BICD1: variants seen among roughly 807,000 people sequenced by gnomAD.
The protein encoded by BICD1 is BICD cargo adaptor 1.
A neutral mutation model predicts 92.5 loss-of-function variants in BICD1; 35 were observed. That is an observed-to-expected ratio of 0.38 (90% CI 0.29 to 0.50). BICD1 has a LOEUF of 0.50. Among genes scored for constraint, BICD1 ranks in the 20% least tolerant of loss-of-function variants. The probability of loss-of-function intolerance (pLI) is 0.93; values close to 1 mark genes in which losing one functional copy is unlikely to be tolerated. For synonymous variants in BICD1, 429 were observed against 465.1 expected (o/e 0.92, Z 1.00); for missense variants, 950 against 1,189.8 (o/e 0.80, Z 2.97).
chr12:32,246,837 T>C (rs1342178152), intron 2 of BICD1, among the ~76,000 whole-genome samples: 1 of 152,094 alleles, frequency 6.6e-6, no homozygotes, highest in African/African-American at 2.4e-5. Flanking sequence ...GTCAAGTGTG[T>C]GAGATGGACA....
chr12:32,140,413 T>TA (rs1401025690), intron 1 of BICD1, among the ~76,000 whole-genome samples: 4 of 152,252 alleles, frequency 2.6e-5, no homozygotes, highest in Admixed American at 1.3e-4. Flanking sequence ...AGAAATTTTA[T>TA]AAAAAATGTA....
intron 1 of BICD1, among the ~76,000 whole-genome samples, chr12:32,119,522 C>T (rs1031486946): frequency 4.6e-5 from 7 of 152,196 alleles, no homozygotes; most frequent in South Asian, 2.1e-4. Flanking sequence ...AAGAACCCCT[C>T]TTCTATATTT....
chr12:32,141,837 T>C (rs916843588), intron 1 of BICD1, among the ~76,000 whole-genome samples: 3 of 152,212 alleles, frequency 2.0e-5, no homozygotes, highest in South Asian at 2.1e-4. Context: ...CTAGCCTTTT[T>C]ATTCGCCGTT....
chr12:32,304,872 T>TA (rs145928454), intron 3 of BICD1, among the ~76,000 whole-genome samples: 3 of 151,222 alleles, frequency 2.0e-5, no homozygotes, highest in Admixed American at 6.6e-5. Flanking sequence ...AAATAAAAAA[T>TA]AAAAAAAATA....
intron 8 of BICD1, among the ~76,000 whole-genome samples, chr12:32,346,222 G>A: frequency 6.6e-6 from 1 of 151,376 alleles, no homozygotes; most frequent in South Asian, 2.1e-4. Flanking sequence ...TATCCATAAT[G>A]TGATCATTTC....
At chr12:32,168,891 G>A (rs944855665) in intron 1 of BICD1, among the ~76,000 whole-genome samples, 3 of 152,154 alleles carry the variant, frequency 2.0e-5, no homozygotes, top group Admixed American at 6.5e-5. Context: ...GAACCCGGGA[G>A]GCGGAGGTTG....
intron 9 of BICD1, among the ~76,000 whole-genome samples, chr12:32,374,050 C>T (rs1158834173): frequency 6.8e-6 from 1 of 146,344 alleles, no homozygotes; most frequent in Non-Finnish European, 1.5e-5. Flanking sequence ...TCTGTCTCTA[C>T]TAAAAATACA....
In BICD1 at chr12:32,294,040, T is replaced by G; in HGVS notation, c.473T>G (p.Ile158Ser). The change falls in exon 3 of 10, where the codon ATC becomes AGC. Residue 158 changes from isoleucine (I) to serine (S), a missense_variant. Around this residue, in one of 5 missense-constraint regions of BICD1, gnomAD observed 202 missense variants for 205.3 expected, o/e 0.98. Coordinates refer to ENST00000652176, the MANE Select transcript of BICD1 (RefSeq NM_001714.4). ...ELQRIRMKDE[I>S]REYKFREARL... The stretch of plus-strand genomic sequence containing the variant: ...CAGAGAATACGGATGAAGGATGAAA[T>G]CCGAGAATATAAGTTCCGGGAGGCA... 1 of 1,612,940 alleles carries G rather than the reference T, an allele frequency of 6.2e-7. No homozygotes were observed. Among genetic ancestry groups the G allele is most frequent in the South Asian group, 1.1e-5 (1 of 90,658 alleles).
Position 32,107,557 on chromosome 12 carries a change from T to C in BICD1, c.213+13T>C. The C allele has an allele frequency of 6.4e-7, 1 of 1,566,288 alleles. No individual in the cohort carries two copies. The highest frequency in any genetic ancestry group is 8.6e-7 in the Non-Finnish European group (1 of 1,156,156). On this transcript the variant is annotated intron_variant, in intron 1 of 9. Transcript: ENST00000652176. Reference sequence around the variant, plus strand: ...GCAGCTCAAAGAGGTGAGTTGCCTGTCACCTCTCCCTTTCCTGGCCCTCAC... The same window carrying C: ...GCAGCTCAAAGAGGTGAGTTGCCTGCCACCTCTCCCTTTCCTGGCCCTCAC...
At position 32,381,815 on chromosome 12, in the gene BICD1, T is replaced by G. The variant is rs1940189260; in HGVS notation, c.*4188T>G. The G allele has an allele frequency of 6.6e-6, 1 of 152,130 alleles. No homozygotes were observed. The highest frequency in any genetic ancestry group is 1.5e-5 in the Non-Finnish European group (1 of 67,976). 9.4% of individuals were successfully genotyped at this position (152,130 alleles called of 1,614,324 possible). The stretch of plus-strand genomic sequence containing the variant: ...GATAAAGTTCACAATTTTAAAAAGG[T>G]TGCCCTCCAGTTTTTTTGTTTGTTT... On this transcript the variant is annotated 3_prime_UTR_variant, in exon 10 of 10. Transcript: ENST00000652176.
At chr12:32,342,315 C>T (rs549749882) in intron 8 of BICD1, among the ~76,000 whole-genome samples, 10 of 147,614 alleles carry the variant, frequency 6.8e-5, no homozygotes, top group South Asian at 2.2e-4. Context: ...AGTGGAGCGG[C>T]GCAACCTTGG....
chr12:32,252,288 G>A (rs1296765563), intron 2 of BICD1, among the ~76,000 whole-genome samples: 1 of 147,544 alleles, frequency 6.8e-6, no homozygotes, highest in East Asian at 1.9e-4. Flanking sequence ...CATGTTTGGA[G>A]GTTTTCGATG....
rs750543466 is a variant in BICD1 at position 32,294,053 on chromosome 12, G to A, written c.486G>A (p.Lys162=). 6 of 1,612,914 alleles carry A rather than the reference G, an allele frequency of 3.7e-6. No individual in the cohort carries two copies. Among genetic ancestry groups the A allele is most frequent in the Non-Finnish European group, 5.1e-6 (6 of 1,179,722 alleles). The stretch of plus-strand genomic sequence containing the variant: ...TGAAGGATGAAATCCGAGAATATAA[G>A]TTCCGGGAGGCACGGCTCCTTCAGG... ...IRMKDEIREY[K]FREARLLQDY... The change falls in exon 3 of 10, where the codon AAG becomes AAA. Residue 162 remains lysine (K), a synonymous_variant. Coordinates refer to ENST00000652176, the MANE Select transcript of BICD1 (RefSeq NM_001714.4).
At chr12:32,138,641 A>AAT (rs1942808341) in intron 1 of BICD1, among the ~76,000 whole-genome samples, 1 of 152,174 alleles carries the variant, frequency 6.6e-6, no homozygotes, top group Non-Finnish European at 1.5e-5. Context: ...CTTTACTTTA[A>AAT]ATAGGCTTTG....
At chr12:32,140,066 C>T (rs941935700) in intron 1 of BICD1, among the ~76,000 whole-genome samples, 1 of 152,170 alleles carries the variant, frequency 6.6e-6, no homozygotes. Context: ...AGTCAGCCGG[C>T]AGGAGTTCCT....
chr12:32,128,776 C>CT (rs774069928), intron 1 of BICD1, among the ~76,000 whole-genome samples: 77 of 151,556 alleles, frequency 5.1e-4, no homozygotes, highest in Admixed American at 1.5e-3. Context: ...CTTTTTATTC[C>CT]TTTTTTTGTT....
chr12:32,107,780 G>A (rs1343306437), intron 1 of BICD1: 2 of 703,674 alleles, frequency 2.8e-6, no homozygotes, highest in Admixed American at 2.0e-5. Flanking sequence ...TTTGGCCTGC[G>A]GGGGAGGGAG....
chr12:32,293,930 C>G, intron 2 of BICD1, 64 bp from the exon 3 acceptor site: 1 of 1,513,486 alleles, frequency 6.6e-7, no homozygotes, highest in South Asian at 1.3e-5. Context: ...ACTACCAGGA[C>G]TTTACACCTT....
chr12:32,233,403 T>C (rs960429676), intron 2 of BICD1, among the ~76,000 whole-genome samples: 1 of 152,096 alleles, frequency 6.6e-6, no homozygotes, highest in Non-Finnish European at 1.5e-5. Context: ...CTGTTATTGT[T>C]CACCATTTAA....
Sources: allele counts gnomAD v4.1 joint callset (sites outside exome capture counted in the v4.1 genomes callset), GRCh38; gene constraint gnomAD v4.1.1; regional missense constraint gnomAD v4.1.1; transcripts MANE v1.5; gene names NCBI Gene and HGNC (gene_info 2026-07-23, HGNC 2026-07-21).